The following TMPRSS11A variants were observed in gnomAD, a reference collection of about 807,000 sequenced individuals.
TMPRSS11A encodes transmembrane protease serine 11A.
In TMPRSS11A, 53 loss-of-function variants were observed where a neutral mutation model predicts 58.9. The observed-to-expected ratio is 0.90, with a 90% CI of 0.72 to 1.13. The LOEUF (loss-of-function observed/expected upper bound fraction) is 1.13. Among genes scored for constraint, TMPRSS11A ranks in the 50% most tolerant of loss-of-function variants. The pLI is 0.00. For missense variants in TMPRSS11A, 493 were observed against 499.3 expected (o/e 0.99, Z 0.12); for synonymous variants, 167 against 169.8 (o/e 0.98, Z 0.13).
chr4:67,957,572 C>T (rs1721317038), intron 1 of TMPRSS11A, among the ~76,000 whole-genome samples: 1 of 152,020 alleles, frequency 6.6e-6, no homozygotes, highest in Admixed American at 6.5e-5. Context: ...AGCAAAGCAT[C>T]CAAAAGGTTA....
chr4:67,949,884 C>A (rs566015779), intron 1 of TMPRSS11A, among the ~76,000 whole-genome samples: 115 of 152,226 alleles, frequency 7.6e-4, no homozygotes, highest in African/African-American at 2.6e-3. Flanking sequence ...CCTTCTCATT[C>A]TGCAGAGGCC....
At chr4:67,912,307 TACACACATACACATACACATACAC>T (rs1720004306) in intron 9 of TMPRSS11A, among the ~76,000 whole-genome samples, 4 of 142,782 alleles carry the variant, frequency 2.8e-5, no homozygotes, top group Admixed American at 1.4e-4. Flanking sequence ...CACACACACA[TACACACATACACATACACATACAC>T]ACAATCTTTT....
intron 7 of TMPRSS11A, 135 bp from the exon 8 acceptor site, chr4:67,919,367 A>T: frequency 1.3e-6 from 1 of 745,872 alleles, no homozygotes; most frequent in Non-Finnish European, 2.1e-6. Context: ...TTCTTTTATC[A>T]TTTAAATATA....
chr4:67,948,731 G>A (rs1209361913), intron 1 of TMPRSS11A, among the ~76,000 whole-genome samples: 2 of 152,140 alleles, frequency 1.3e-5, no homozygotes, highest in East Asian at 3.9e-4. Flanking sequence ...AGTCCCATGG[G>A]ACATGACATT....
rs145937697 is a variant in TMPRSS11A, at chr4:67,929,947, G to A, written c.414C>T (p.Ser138=). The A allele has an allele frequency of 6.2e-7, 1 of 1,613,782 alleles. No homozygotes were observed. The highest frequency in any genetic ancestry group is 8.5e-7 in the Non-Finnish European group (1 of 1,179,766). Residue 138 remains serine, a synonymous_variant, in exon 5 of 10, where the codon AGC becomes AGT. Transcript: ENST00000508048. ...QRAVREKKIQ[S]ILNQKIRNLR... is the part of the protein sequence containing the mutation. ...AATTCCTTATCTTCTGATTTAAGAT[G>A]CTTTGGATTTTCTTCTCTCTTACTG...
rs192413075 is a variant in TMPRSS11A at position 67,936,111 on chromosome 4, C to T, written c.253-4051G>A. Among the ~76,000 whole-genome samples, 14 of 152,178 alleles carry T rather than the reference C, an allele frequency of 9.2e-5. No homozygotes were observed. The East Asian group carries it at 2.1e-3, about 23-fold the overall frequency. On this transcript the variant is annotated intron_variant, in intron 3 of 9. Coordinates refer to ENST00000508048, the MANE Select transcript of TMPRSS11A (RefSeq NM_001114387.2). Reference sequence around the variant, plus strand: ...GCCATGTAGCTTCAGAGCCTGTTAACGCCTTCACAGTGCCTACCTCAGGAT... The same window carrying T: ...GCCATGTAGCTTCAGAGCCTGTTAATGCCTTCACAGTGCCTACCTCAGGAT...
chr4:67,935,877 G>A (rs893486128), intron 3 of TMPRSS11A, among the ~76,000 whole-genome samples: 5 of 151,994 alleles, frequency 3.3e-5, no homozygotes, highest in African/African-American at 1.2e-4. Context: ...TTGATTATTT[G>A]TGGAAAGCTC....
At chr4:67,961,238 G>A (rs1721412686) in intron 1 of TMPRSS11A, among the ~76,000 whole-genome samples, 1 of 152,110 alleles carries the variant, frequency 6.6e-6, no homozygotes, top group Admixed American at 6.5e-5. Flanking sequence ...TGGCTAGCAT[G>A]ACTGTAGAAC....
At chr4:67,928,230 G>C (rs1720521901) in intron 5 of TMPRSS11A, among the ~76,000 whole-genome samples, 1 of 152,116 alleles carries the variant, frequency 6.6e-6, no homozygotes, top group African/African-American at 2.4e-5. Flanking sequence ...ATTTTTAGAA[G>C]AGACGGGGTT....
rs1720328542 is a variant in TMPRSS11A, at chr4:67,921,456, C to T, written c.692+1299G>A. Among the ~76,000 whole-genome samples, 3 of 152,070 alleles carry T rather than the reference C, an allele frequency of 2.0e-5. No homozygotes were observed. In the South Asian group the frequency reaches 6.2e-4, roughly 32 times the overall value. ...TTAAGGGATCCTCCTGCGTTAGCCTCCCAAGTAGCTGGGATGATAGGTAGG... is the reference window on the plus strand; with the variant it reads ...TTAAGGGATCCTCCTGCGTTAGCCTTCCAAGTAGCTGGGATGATAGGTAGG... On this transcript the variant is annotated intron_variant, in intron 7 of 9. Transcript: ENST00000508048.
rs371252656 is a variant in TMPRSS11A, at chr4:67,920,549, A to ATATATATATATATTTT, written c.693-1318_693-1317insAAAATATATATATATA. The stretch of plus-strand genomic sequence containing the variant: ...TAATTATATATATATATATATATAT[A>ATATATATATATATTTT]TTTTTTTTTATATATACACACACAC... On this transcript the variant is annotated intron_variant, in intron 7 of 9. Transcript: ENST00000508048. 5.3e-5 allele frequency among the ~76,000 whole-genome samples: 7 copies of ATATATATATATATTTT among 130,896 alleles called. No individual in the cohort carries two copies. The South Asian group carries it at 1.5e-3, about 27-fold the overall frequency. 85.9% of individuals were successfully genotyped at this position (130,896 alleles called of 152,430 possible).
Position 67,909,697 on chromosome 4 carries a change from A to G in TMPRSS11A, c.*1645T>C, listed in dbSNP as rs1451984395. On this transcript the variant is annotated 3_prime_UTR_variant, in exon 10 of 10. Transcript: ENST00000508048. ...AAAATTCTTATCTTAAGAGTTTTCT[A>G]TCTTAATACAGGTTCAATAGCTCTC... 1.3e-5 allele frequency: 2 copies of G among 152,182 alleles called. No individual in the cohort carries two copies. Among genetic ancestry groups the G allele is most frequent in the Non-Finnish European group, 2.9e-5 (2 of 67,994 alleles). 9.4% of individuals were successfully genotyped at this position (152,182 alleles called of 1,614,324 possible).
chr4:67,938,651 T>C (rs1349007934), intron 3 of TMPRSS11A, among the ~76,000 whole-genome samples: 1 of 152,192 alleles, frequency 6.6e-6, no homozygotes, highest in East Asian at 1.9e-4. Context: ...TCCAGCACCA[T>C]TTATTGAATA....
In TMPRSS11A at chr4:67,922,902, A is replaced by C. The variant is rs1234129178; in HGVS notation, c.545T>G (p.Leu182Ter). ...TCCAGATGCTATTCTGTTGACGTTT[A>C]ATGGAACAACTCGTTTACCACAACC... ...QASCGKRVVP[L>*]NVNRIASGVI... The change falls in exon 7 of 10, where the codon TTA becomes TGA. Residue 182 changes from leucine to a stop codon, truncating the protein, a stop_gained. Coordinates refer to ENST00000508048, the MANE Select transcript of TMPRSS11A (RefSeq NM_001114387.2). LOFTEE classifies it high-confidence loss of function. 5 of 1,614,178 alleles carry C rather than the reference A, an allele frequency of 3.1e-6. 1 individual carries two copies. The South Asian group carries it at 5.5e-5, about 18-fold the overall frequency.
chr4:67,935,416 T>C (rs1483568737), intron 3 of TMPRSS11A, among the ~76,000 whole-genome samples: 1 of 152,218 alleles, frequency 6.6e-6, no homozygotes, highest in African/African-American at 2.4e-5. Flanking sequence ...AATACCTTCT[T>C]TGGGGATATT....
chr4:67,932,456 C>T (rs1720653298), intron 3 of TMPRSS11A, among the ~76,000 whole-genome samples: 1 of 152,074 alleles, frequency 6.6e-6, no homozygotes, highest in Admixed American at 6.6e-5. Context: ...CAAAGAAAAC[C>T]CTGCCTCAGT....
chr4:67,936,984 A>T (rs1720769540), intron 3 of TMPRSS11A, among the ~76,000 whole-genome samples: 1 of 152,206 alleles, frequency 6.6e-6, no homozygotes, highest in African/African-American at 2.4e-5. Flanking sequence ...TAGAAGGTTC[A>T]TGTCCTCTCC....
At chr4:67,938,922 CA>C (rs889702113) in intron 3 of TMPRSS11A, among the ~76,000 whole-genome samples, 26 of 150,120 alleles carry the variant, frequency 1.7e-4, no homozygotes, top group Admixed American at 1.3e-3. Context: ...ATGAAATTTA[CA>C]AAAGCTTTTT....
At chr4:67,954,182 A>G (rs1317965856) in intron 1 of TMPRSS11A, among the ~76,000 whole-genome samples, 1 of 152,230 alleles carries the variant, frequency 6.6e-6, no homozygotes, top group African/African-American at 2.4e-5. Flanking sequence ...AGGGACAGAA[A>G]TTAAGCAAAC....
Sources: allele counts gnomAD v4.1 joint callset (sites outside exome capture counted in the v4.1 genomes callset), GRCh38; gene constraint gnomAD v4.1.1; transcripts MANE v1.5; gene names NCBI Gene and HGNC (gene_info 2026-07-23, HGNC 2026-07-21).